The following VPS35L variants were observed in gnomAD, a reference collection of about 807,000 sequenced individuals.
The protein encoded by VPS35L is VPS35 endosomal protein-sorting factor-like.
In VPS35L, 83 loss-of-function variants were observed where a neutral mutation model predicts 133.0. That is an observed-to-expected ratio of 0.62 (90% CI 0.52 to 0.75). The LOEUF (loss-of-function observed/expected upper bound fraction) is 0.75, where lower values mean the gene tolerates loss of function less well. Among genes scored for constraint, VPS35L ranks in the 30% least tolerant of loss-of-function variants. The pLI, the probability that VPS35L is intolerant of heterozygous loss-of-function variation, is 0.00. For synonymous variants in VPS35L, 423 were observed against 449.9 expected, an observed-to-expected ratio of 0.94 and a Z score of 0.76; for missense variants, 1,083 against 1,206.8, an observed-to-expected ratio of 0.90 and a Z score of 1.52.
intron 27 of VPS35L, among the ~76,000 whole-genome samples, chr16:19,681,252 C>T (rs1393694455): frequency 6.6e-6 from 1 of 152,140 alleles, no homozygotes; most frequent in Non-Finnish European, 1.5e-5. Context: ...ATATGCAGGG[C>T]AGGAGGAAAG....
chr16:19,570,606 C>T lies in VPS35L; in HGVS notation c.285+1015C>T, dbSNP rs115600677. ...ATAGCAGTTTCTGAGCATTCCCATACGTACTCATATATAAATAATTACAGC... is the reference window on the plus strand; with the variant it reads ...ATAGCAGTTTCTGAGCATTCCCATATGTACTCATATATAAATAATTACAGC... On this transcript the variant is annotated intron_variant, in intron 3 of 30. Coordinates refer to ENST00000417362, the MANE Select transcript of VPS35L (RefSeq NM_020314.7). Among the ~76,000 whole-genome samples, 787 of 151,660 alleles carry T rather than the reference C, an allele frequency of 5.2e-3. 8 individuals are homozygous for T. The highest frequency in any genetic ancestry group is 0.017 in the African/African-American group (711 of 41,386).
chr16:19,564,934 C>G lies in VPS35L; in HGVS notation c.101C>G (p.Pro34Arg), dbSNP rs1193014452. The change falls in exon 2 of 31, where the codon CCT (proline) becomes CGT (arginine). Residue 34 changes from proline to arginine, a missense_variant. Physicochemically the swap from Pro to Arg is moderately radical, Grantham distance 103 (BLOSUM62 -2). Coordinates refer to ENST00000417362, the MANE Select transcript of VPS35L (RefSeq NM_020314.7). ...AVPLEFGDYHPLKPITVTESK... is the reference protein window; with the variant it reads ...AVPLEFGDYHRLKPITVTESK... ...CCATTGGAGTTTGGGGACTATCACC[C>G]TCTGAAACCCATAACTGTAAGTTTT... 6.2e-7 allele frequency: 1 copy of G among 1,609,138 alleles called. No homozygotes were observed. Among genetic ancestry groups the G allele is most frequent in the Non-Finnish European group, 8.5e-7 (1 of 1,175,600 alleles).
At chr16:19,686,913 C>T (rs559121411) in intron 28 of VPS35L, among the ~76,000 whole-genome samples, 3 of 152,164 alleles carry the variant, frequency 2.0e-5, no homozygotes, top group Non-Finnish European at 4.4e-5. Context: ...ACTGCCCCCC[C>T]TTCCTTGAGA....
chr16:19,632,792 G>A (rs1973498377), intron 18 of VPS35L, among the ~76,000 whole-genome samples: 1 of 152,250 alleles, frequency 6.6e-6, no homozygotes, highest in Non-Finnish European at 1.5e-5. Flanking sequence ...GGAGGGCCTG[G>A]GACAGGCAGG....
At chr16:19,631,849 C>T (rs1973466060) in intron 18 of VPS35L, among the ~76,000 whole-genome samples, 2 of 152,184 alleles carry the variant, frequency 1.3e-5, no homozygotes, top group Non-Finnish European at 2.9e-5. Context: ...GCTGGGACCA[C>T]AGGCACATGT....
intron 21 of VPS35L, 45 bp downstream of exon 21, chr16:19,640,145 T>C (rs767748510): frequency 3.2e-6 from 5 of 1,541,608 alleles, no homozygotes; most frequent in Admixed American, 3.5e-5. Context: ...CCCAATGTCC[T>C]TGTGAAACCT....
intron 19 of VPS35L, among the ~76,000 whole-genome samples, chr16:19,635,116 A>G (rs1360704333): frequency 2.6e-5 from 4 of 152,090 alleles, no homozygotes; most frequent in South Asian, 4.2e-4. Flanking sequence ...AGGCAGGAGG[A>G]TTATTTGAGG....
intron 25 of VPS35L, among the ~76,000 whole-genome samples, chr16:19,651,563 G>A (rs1043883799): frequency 6.6e-6 from 1 of 152,102 alleles, no homozygotes; most frequent in Non-Finnish European, 1.5e-5. Context: ...AAATTATACT[G>A]AAAAGATTAC....
At chr16:19,601,583 G>C in intron 8 of VPS35L, 81 bp from the exon 9 acceptor site, 1 of 1,391,058 alleles carries the variant, frequency 7.2e-7, no homozygotes, top group Non-Finnish European at 1.0e-6. Context: ...TGATAGCTCT[G>C]GGTCCCTAAT....
At chr16:19,624,027 C>T (rs1195755864) in intron 14 of VPS35L, among the ~76,000 whole-genome samples, 1 of 149,158 alleles carries the variant, frequency 6.7e-6, no homozygotes, top group East Asian at 2.0e-4. Context: ...TGGTCTTGAA[C>T]TCCTAAGGTC....
intron 12 of VPS35L, among the ~76,000 whole-genome samples, chr16:19,614,218 A>G (rs1972815516): frequency 6.6e-6 from 1 of 152,152 alleles, no homozygotes; most frequent in South Asian, 2.1e-4. Context: ...ACTGGATCTG[A>G]TATTTCTTGT....
chr16:19,675,096 G>C (rs936233543), intron 27 of VPS35L, among the ~76,000 whole-genome samples: 1 of 151,860 alleles, frequency 6.6e-6, no homozygotes, highest in Non-Finnish European at 1.5e-5. Context: ...GGGACCACAT[G>C]GGCAAGCCAC....
chr16:19,671,734 G>T (rs1189233852), intron 27 of VPS35L, among the ~76,000 whole-genome samples: 1 of 150,780 alleles, frequency 6.6e-6, no homozygotes, highest in Non-Finnish European at 1.5e-5. Flanking sequence ...CCAAGATTGT[G>T]CCACTGTACT....
rs868836557 is a variant in VPS35L, at chr16:19,570,887, A to G, written c.285+1296A>G. The stretch of plus-strand genomic sequence containing the variant: ...TATATATATATATATATATATATAT[A>G]TATTTTTGAGATGAAGTCTCACACT... On this transcript the variant is annotated intron_variant, in intron 3 of 30. Coordinates refer to ENST00000417362, the MANE Select transcript of VPS35L (RefSeq NM_020314.7). Among the ~76,000 whole-genome samples, 3 of 82,254 alleles carry G rather than the reference A, an allele frequency of 3.6e-5. No homozygotes were observed. In the East Asian group the frequency reaches 1.1e-3, roughly 31 times the overall value. 54.0% of individuals were successfully genotyped at this position (82,254 alleles called of 152,430 possible). A position where few individuals can be genotyped will look rare whatever the true frequency, so the allele number is the denominator to read the frequency against.
chr16:19,583,202 C>G (rs1430654521), intron 7 of VPS35L, among the ~76,000 whole-genome samples: 2 of 152,132 alleles, frequency 1.3e-5, no homozygotes, highest in African/African-American at 4.8e-5. Flanking sequence ...AGTTTTAAAA[C>G]ATTTTTATAC....
intron 6 of VPS35L, chr16:19,579,397 G>T (rs1971637426): frequency 2.8e-6 from 1 of 351,288 alleles, no homozygotes; most frequent in South Asian, 5.4e-5. Context: ...GTGTCTAATG[G>T]TAAAAACCAA....
At position 19,699,437 on chromosome 16, in the gene VPS35L, C is replaced by T; in HGVS notation, c.2647-65C>T. The T allele has an allele frequency of 1.9e-6, 3 of 1,592,546 alleles. No individual in the cohort carries two copies. The highest frequency in any genetic ancestry group is 2.6e-6 in the Non-Finnish European group (3 of 1,166,312). The stretch of plus-strand genomic sequence containing the variant: ...CCTACCCCAGAGTCAGCACTGTCCA[C>T]AGCATCTCTGCGGGGCACGGCCTGA... On this transcript the variant is annotated intron_variant, in intron 29 of 30. Transcript: ENST00000417362. The surrounding 1 kb of genome is among the most constrained non-coding windows in gnomAD (Gnocchi z 4.2).
chr16:19,611,461 A>G (rs570965162), intron 12 of VPS35L, among the ~76,000 whole-genome samples: 2 of 152,296 alleles, frequency 1.3e-5, no homozygotes, highest in Non-Finnish European at 2.9e-5. Context: ...TTGAGGACAA[A>G]GCTGCAGTTA....
intron 18 of VPS35L, among the ~76,000 whole-genome samples, chr16:19,632,529 C>T (rs1973489405): frequency 6.6e-6 from 1 of 152,156 alleles, no homozygotes; most frequent in Non-Finnish European, 1.5e-5. Context: ...CCCATTGCAT[C>T]CTTGTGATGG....
Sources: allele counts gnomAD v4.1 joint callset (sites outside exome capture counted in the v4.1 genomes callset), GRCh38; gene constraint gnomAD v4.1.1; non-coding constraint Gnocchi (gnomAD v3.1); transcripts MANE v1.5; gene names NCBI Gene and HGNC (gene_info 2026-07-23, HGNC 2026-07-21).